CUX1: variants seen among roughly 807,000 people sequenced by gnomAD.
CUX1 encodes the protein cut like homeobox 1, also known as protein CASP.
In CUX1, 31 loss-of-function variants were observed where a neutral mutation model predicts 158.8. That is an observed-to-expected ratio of 0.20 (90% CI 0.15 to 0.26). CUX1 has a LOEUF of 0.26. CUX1 is among the 10% of genes least tolerant of loss of function. The probability of loss-of-function intolerance (pLI) is 1.00; values close to 1 mark genes in which losing one functional copy is unlikely to be tolerated. For missense variants in CUX1, 1,589 were observed against 2,014.6 expected (o/e 0.79, Z 4.04); for synonymous variants, 879 against 862.1 (o/e 1.02, Z -0.34).
chr7:102,247,853 G>A (rs1239698625), intron 23 of CUX1, among the ~76,000 whole-genome samples: 3 of 151,154 alleles, frequency 2.0e-5, no homozygotes, highest in African/African-American at 4.9e-5. Flanking sequence ...ATAAGTGGCC[G>A]GACGCAGTGG....
At chr7:101,987,721 C>T (rs962466210) in intron 2 of CUX1, among the ~76,000 whole-genome samples, 10 of 152,170 alleles carry the variant, frequency 6.6e-5, no homozygotes, top group South Asian at 2.1e-4. Context: ...CTTGGTCATC[C>T]GAGGGAGGAC....
At chr7:102,178,139 T>A (rs1271677317) in intron 10 of CUX1, among the ~76,000 whole-genome samples, 1 of 152,184 alleles carries the variant, frequency 6.6e-6, no homozygotes, top group Non-Finnish European at 1.5e-5. Context: ...TGACCTAAGG[T>A]CATCCACCCA....
chr7:102,083,905 A>T (rs78036499), intron 4 of CUX1, among the ~76,000 whole-genome samples: 1 of 146,350 alleles, frequency 6.8e-6, no homozygotes, highest in Non-Finnish European at 1.5e-5. Context: ...TATTATTATT[A>T]TTTTTAATCT....
At chr7:102,032,151 A>T (rs934240096) in intron 3 of CUX1, among the ~76,000 whole-genome samples, 4 of 150,008 alleles carry the variant, frequency 2.7e-5, no homozygotes, top group Non-Finnish European at 5.9e-5. Flanking sequence ...CTGGTCTTGA[A>T]CTCCTGAGCT....
intron 2 of CUX1, among the ~76,000 whole-genome samples, chr7:101,954,023 CAAAA>C (rs1288110225): frequency 6.6e-6 from 1 of 152,030 alleles, no homozygotes; most frequent in Non-Finnish European, 1.5e-5. Context: ...CCCATCTCTA[CAAAA>C]AAAATTTTTT....
At chr7:102,225,160 T>TAAG (rs782603854) in intron 20 of CUX1, among the ~76,000 whole-genome samples, 63 of 152,196 alleles carry the variant, frequency 4.1e-4, no homozygotes, top group Admixed American at 1.6e-3. Flanking sequence ...TTCTGCCTCT[T>TAAG]ACGCTTGTCT....
chr7:101,909,777 G>A (rs533514565), intron 1 of CUX1, among the ~76,000 whole-genome samples: 1 of 152,352 alleles, frequency 6.6e-6, no homozygotes, highest in South Asian at 2.1e-4. Flanking sequence ...GGTTCTGGGG[G>A]CAGGAGGCAT....
rs4729762 is a variant in CUX1, at chr7:101,917,317, A to G, written c.141+1092A>G. On this transcript the variant is annotated intron_variant, in intron 2 of 23. Transcript: ENST00000292535. ...GACTGCTGGCATGAATCATTATGGA[A>G]AACAAATTAATAACCTTCTGTCTTC... is the stretch of plus-strand genomic sequence containing the variant. Among the ~76,000 whole-genome samples the G allele has an allele frequency of 4.1e-3, 624 of 152,368 alleles. 14 individuals are homozygous for G. Among genetic ancestry groups the G allele is most frequent in the Admixed American group, 0.038 (580 of 15,306 alleles).
chr7:101,921,764 G>A (rs959793111), intron 2 of CUX1, among the ~76,000 whole-genome samples: 4 of 152,060 alleles, frequency 2.6e-5, no homozygotes, highest in South Asian at 2.1e-4. Flanking sequence ...GCCTTAGCTC[G>A]GGCAACTTTA....
At chr7:101,969,337 AAAAC>A (rs1212885859) in intron 2 of CUX1, among the ~76,000 whole-genome samples, 6 of 147,956 alleles carry the variant, frequency 4.1e-5, no homozygotes, top group African/African-American at 1.0e-4. Context: ...CCTGTCTCAA[AAAAC>A]AAACAAACAA....
At chr7:102,231,925 G>A (rs542492567) in intron 21 of CUX1, among the ~76,000 whole-genome samples, 12 of 151,934 alleles carry the variant, frequency 7.9e-5, no homozygotes, top group Admixed American at 5.2e-4. Context: ...GTGTGAGCCA[G>A]GATGGTCTCG....
intron 3 of CUX1, among the ~76,000 whole-genome samples, chr7:102,053,378 G>A (rs528135843): frequency 9.9e-5 from 15 of 152,260 alleles, no homozygotes; most frequent in Non-Finnish European, 1.8e-4. Context: ...GGCATGCTAC[G>A]TGTAATAATC....
At position 101,955,905 on chromosome 7, in the gene CUX1, T is replaced by C. The variant is rs112938434; in HGVS notation, c.141+39680T>C. ...GTTTCTAAGGTTAAAAAAAAAAGGC[T>C]GGGCCCTGTGGCTCACGCCTGTAAT... On this transcript the variant is annotated intron_variant, in intron 2 of 23. Transcript: ENST00000292535. Among the ~76,000 whole-genome samples the C allele has an allele frequency of 7.7e-3, 1,072 of 139,634 alleles. 16 individuals carry two copies. Among genetic ancestry groups the C allele is most frequent in the African/African-American group, 0.029 (1,011 of 34,462 alleles). The allele number at this position is 139,634 out of a possible 152,430, so 91.6% of individuals were successfully genotyped here. A position where few individuals can be genotyped will look rare whatever the true frequency, so the allele number is the denominator to read the frequency against.
intron 17 of CUX1, chr7:102,277,915 TCCCCCACCCCTTTCCTTGCCCCTCC>T: frequency 1.7e-6 from 2 of 1,171,422 alleles, no homozygotes; most frequent in Non-Finnish European, 2.4e-6. Flanking sequence ...CGGAGGCCTC[TCCCCCACCCCTTTCCTTGCCCCTCC>T]CCCCCCAGGA....
At chr7:101,912,425 G>A (rs1803601983) in intron 1 of CUX1, among the ~76,000 whole-genome samples, 1 of 152,156 alleles carries the variant, frequency 6.6e-6, no homozygotes, top group African/African-American at 2.4e-5. Context: ...GTAACGCAGA[G>A]GCTCACGTGT....
intron 1 of CUX1, among the ~76,000 whole-genome samples, chr7:101,881,707 C>T (rs1445392824): frequency 6.6e-6 from 1 of 152,142 alleles, no homozygotes; most frequent in Non-Finnish European, 1.5e-5. Flanking sequence ...GCTGTAGGGC[C>T]ATGTGATTGG....
intron 2 of CUX1, among the ~76,000 whole-genome samples, chr7:101,950,568 C>A (rs1808942181): frequency 6.6e-6 from 1 of 152,212 alleles, no homozygotes; most frequent in African/African-American, 2.4e-5. Flanking sequence ...CCATAACTCA[C>A]CTCCATAAAT....
intron 2 of CUX1, among the ~76,000 whole-genome samples, 191 bp from the exon 3 acceptor site, chr7:102,027,907 A>G (rs1467687231): frequency 6.6e-6 from 1 of 152,206 alleles, no homozygotes; most frequent in East Asian, 1.9e-4. Flanking sequence ...TTCTTAAATA[A>G]GTTTAAATCC....
intron 3 of CUX1, 78 bp from the exon 4 acceptor site, chr7:102,070,261 T>G: frequency 1.6e-6 from 2 of 1,214,264 alleles, no homozygotes; most frequent in South Asian, 1.3e-5. Flanking sequence ...ATTCACTAGA[T>G]GTGTAATGCT....
Sources: allele counts gnomAD v4.1 joint callset (sites outside exome capture counted in the v4.1 genomes callset), GRCh38; gene constraint gnomAD v4.1.1; transcripts MANE v1.5; gene names NCBI Gene and HGNC (gene_info 2026-07-23, HGNC 2026-07-21).